Variants in IGF2R observed in about 807,000 individuals in gnomAD.
IGF2R encodes the protein cation-independent mannose-6-phosphate receptor.
IGF2R carries 91 observed loss-of-function variants against 270.6 expected under a neutral mutation model. The ratio of observed to expected loss-of-function variants is 0.34; its 90% CI spans 0.28 to 0.40. The LOEUF is 0.40. Among genes scored for constraint, IGF2R ranks in the 10% least tolerant of loss-of-function variants. The pLI is 1.00. For synonymous variants in IGF2R, 1,316 were observed against 1,258.9 expected, an observed-to-expected ratio of 1.05 and a Z score of -0.96; for missense variants, 2,805 against 3,188.3, an observed-to-expected ratio of 0.88 and a Z score of 2.90.
intron 19 of IGF2R, among the ~76,000 whole-genome samples, chr6:160,054,685 AG>A (rs1398979768): frequency 2.6e-5 from 4 of 152,114 alleles, no homozygotes; most frequent in Non-Finnish European, 5.9e-5. Flanking sequence ...CTTGGCTAAG[AG>A]TGGGGTGTGT....
intron 7 of IGF2R, 64 bp from the exon 8 acceptor site, chr6:160,032,487 G>A: frequency 6.8e-7 from 1 of 1,473,272 alleles, no homozygotes; most frequent in Non-Finnish European, 9.3e-7. Flanking sequence ...CATAAGTGTG[G>A]AAAATCTGCA....
Position 160,093,827 on chromosome 6 carries a change from A to T in IGF2R, c.6656-2612A>T, listed in dbSNP as rs569008646. On this transcript the variant is annotated intron_variant, in intron 44 of 47. Transcript: ENST00000356956. ...TGATGAGCTGTTAAGGGTGCTGTGC[A>T]TGATGGTCCAAATAAATATCTCAGA... The T allele has an allele frequency of 8.2e-6, 6 of 731,888 alleles. No individual in the cohort carries two copies. The East Asian group carries it at 1.6e-4, about 19-fold the overall frequency. 45.3% of individuals were successfully genotyped at this position (731,888 alleles called of 1,614,324 possible). A position where few individuals can be genotyped will look rare whatever the true frequency, so the allele number is the denominator to read the frequency against.
At chr6:160,011,551 GTTTT>G (rs546686832) in intron 4 of IGF2R, among the ~76,000 whole-genome samples, 4 of 119,676 alleles carry the variant, frequency 3.3e-5, no homozygotes, top group Non-Finnish European at 3.4e-5. Context: ...CACATATTTC[GTTTT>G]TTTTTTTTTT....
At position 160,059,430 on chromosome 6, in the gene IGF2R, C is replaced by G. The variant is rs9457817; in HGVS notation, c.3091+332C>G. Among the ~76,000 whole-genome samples the G allele has an allele frequency of 2.4e-3, 359 of 152,324 alleles. 1 individual carries two copies. The highest frequency in any genetic ancestry group is 8.6e-3 in the African/African-American group (356 of 41,586). On this transcript the variant is annotated intron_variant, in intron 22 of 47. Transcript: ENST00000356956. ...TTTTATTGTTGATCTCTTGCTGTGC[C>G]TAGCTTACAAATTGAGCTTCATCCT... is the stretch of plus-strand genomic sequence containing the variant.
intron 31 of IGF2R, among the ~76,000 whole-genome samples, 193 bp downstream of exon 31, chr6:160,070,251 C>G (rs1778688064): frequency 6.6e-6 from 1 of 152,222 alleles, no homozygotes. Flanking sequence ...CTGTCTGGCT[C>G]CTTAGAAGCT....
At chr6:160,058,238 C>T (rs1583284020) in intron 21 of IGF2R, 114 bp downstream of exon 21, 2 of 699,070 alleles carry the variant, frequency 2.9e-6, no homozygotes, top group East Asian at 5.2e-5. Context: ...GTGGTGGCAG[C>T]TCTTACTCAG....
chr6:160,070,162 T>A, intron 31 of IGF2R, 104 bp downstream of exon 31: 2 of 1,134,676 alleles, frequency 1.8e-6, no homozygotes, highest in Non-Finnish European at 2.6e-6. Context: ...ATGCGAGTTC[T>A]AGAGCCTGGG....
intron 2 of IGF2R, among the ~76,000 whole-genome samples, chr6:159,996,773 C>G (rs900628663): frequency 1.3e-5 from 2 of 152,236 alleles, no homozygotes; most frequent in Admixed American, 6.5e-5. Flanking sequence ...CCTCCTCCCT[C>G]AACCCAAAGC....
At chr6:159,988,592 T>G (rs745375547) in intron 1 of IGF2R, among the ~76,000 whole-genome samples, 4 of 136,510 alleles carry the variant, frequency 2.9e-5, no homozygotes, top group Non-Finnish European at 6.5e-5. Flanking sequence ...TTCCTACCAG[T>G]TAACTCATTT....
In IGF2R at chr6:160,047,232, T is replaced by A; in HGVS notation, c.2125T>A (p.Tyr709Asn). ...TTATGATGGGATGATCCAACTGAAC[T>A]ACAGAGGCGGCACACCCTATAACAA... ...SYYDGMIQLN[Y>N]RGGTPYNNER... Residue 709 changes from tyrosine to asparagine, a missense_variant, in exon 16 of 48, where the codon TAC (tyrosine) becomes AAC (asparagine). Physicochemically the swap from Tyr to Asn is moderately radical, Grantham distance 143. This residue lies in a region of IGF2R where 954 missense variants were observed against 981.1 expected (regional missense o/e 0.97). Transcript: ENST00000356956. The A allele has an allele frequency of 6.2e-7, 1 of 1,614,060 alleles. No homozygotes were observed. The highest frequency in any genetic ancestry group is 8.5e-7 in the Non-Finnish European group (1 of 1,179,962).
At position 160,061,843 on chromosome 6, in the gene IGF2R, C is replaced by A. The variant is rs748569814; in HGVS notation, c.3497C>A (p.Ser1166Tyr). 8 of 1,614,056 alleles carry A rather than the reference C, an allele frequency of 5.0e-6. No homozygotes were observed. In the Admixed American group the frequency reaches 1.3e-4, roughly 27 times the overall value. The change falls in exon 25 of 48, where the codon TCT (serine) becomes TAT (tyrosine). Residue 1166 changes from serine (S) to tyrosine (Y), a missense_variant. Ser to Tyr is a moderately radical substitution (Grantham distance 144). Transcript: ENST00000356956. ...AGTCCCCAAGCCGCGGCGAATGGAT[C>A]TTTGAGCATCATGTATGTCAACGGT... ...QMSPQAAANG[S>Y]LSIMYVNGDK... is the part of the protein sequence containing the mutation.
intron 1 of IGF2R, among the ~76,000 whole-genome samples, chr6:159,989,466 T>A (rs3822845): frequency 0.21 from 31,625 of 152,080 alleles, 3,944 homozygotes; most frequent in East Asian, 0.58. Context: ...TATGTAGATA[T>A]ATATGGTGGT....
In IGF2R at chr6:160,089,102, C is replaced by G. The variant is rs367981407; in HGVS notation, c.6321-5C>G. On this transcript the variant is annotated splice_region_variant and splice_polypyrimidine_tract_variant and intron_variant, in intron 42 of 47. Coordinates refer to ENST00000356956, the MANE Select transcript of IGF2R (RefSeq NM_000876.4). The stretch of plus-strand genomic sequence containing the variant: ...TGACTGTAGCCTGTGCTTCCCTCCT[C>G]CTAGGTTTGATATCGACAGCTGCAC... 1.9e-5 allele frequency: 31 copies of G among 1,611,654 alleles called. No homozygotes were observed. The African/African-American group carries it at 4.0e-4, about 21-fold the overall frequency.
In IGF2R at chr6:160,050,682, C is replaced by T. The variant is rs184239415; in HGVS notation, c.2694+30C>T. On this transcript the variant is annotated intron_variant, in intron 19 of 47. Transcript: ENST00000356956. The surrounding 1 kb of genome is among the most constrained non-coding windows in gnomAD (Gnocchi z 4.0). ...GGCACTGCTGCTGGCTGGTGACCTT[C>T]ACTGCTGCATTTTTTGACTGAGCGT... 1 of 1,570,104 alleles carries T rather than the reference C, an allele frequency of 6.4e-7. No individual in the cohort carries two copies. Among genetic ancestry groups the T allele is most frequent in the East Asian group, 2.3e-5 (1 of 43,794 alleles).
intron 1 of IGF2R, among the ~76,000 whole-genome samples, chr6:159,980,231 G>GAAAGAAAAGAAAAGAAAGAAAAGAAAGA (rs1783774125): frequency 8.7e-6 from 1 of 114,422 alleles, no homozygotes; most frequent in Non-Finnish European, 2.0e-5. Context: ...AAGAAAGAAA[G>GAAAGAAAAGAAAAGAAAGAAAAGAAAGA]AAAGAAAGGT....
rs781133341 is a variant in IGF2R at position 160,027,259 on chromosome 6, C to A, written c.721C>A (p.Gln241Lys). 6.2e-7 allele frequency: 1 copy of A among 1,614,156 alleles called. No individual in the cohort carries two copies. Among genetic ancestry groups the A allele is most frequent in the East Asian group, 2.2e-5 (1 of 44,874 alleles). The change falls in exon 6 of 48, where the codon CAG (glutamine) becomes AAG (lysine). Residue 241 changes from glutamine to lysine, a missense_variant. Physicochemically the swap from Gln to Lys is moderately conservative, Grantham distance 53. Around this residue, in one of 2 missense-constraint regions of IGF2R, gnomAD observed 954 missense variants for 981.1 expected, o/e 0.97. Coordinates refer to ENST00000356956, the MANE Select transcript of IGF2R (RefSeq NM_000876.4). ...TGCCGCCTGCCTGGTAAGAGGACAC[C>A]AGGCGTTTGATGTTGGCCAGCCCCG... ...GTAACLVRGH[Q>K]AFDVGQPRDG...
chr6:159,969,937 A>AG (rs1203092058), intron 1 of IGF2R, among the ~76,000 whole-genome samples: 5 of 150,214 alleles, frequency 3.3e-5, no homozygotes, highest in Admixed American at 6.6e-5. Flanking sequence ...TTCTCTTTAA[A>AG]GAATATATAT....
At chr6:160,101,178 A>T (rs1779477798) in intron 45 of IGF2R, among the ~76,000 whole-genome samples, 1 of 152,202 alleles carries the variant, frequency 6.6e-6, no homozygotes, top group Non-Finnish European at 1.5e-5. Context: ...TGAAAAATAG[A>T]AATACGTTTG....
rs760567248 is a variant in IGF2R, at chr6:160,029,703, G to T, written c.882+48G>T. On this transcript the variant is annotated intron_variant, in intron 7 of 47. Coordinates refer to ENST00000356956, the MANE Select transcript of IGF2R (RefSeq NM_000876.4). The stretch of plus-strand genomic sequence containing the variant: ...ACTAATGTGGCGCACAGTAGCCTGG[G>T]TTGCCCATGCGAACGCGTTTCTGGG... 3 of 1,405,600 alleles carry T rather than the reference G, an allele frequency of 2.1e-6. No homozygotes were observed. The South Asian group carries it at 3.5e-5, about 16-fold the overall frequency. The allele number at this position is 1,405,600 out of a possible 1,614,324, so 87.1% of individuals were successfully genotyped here. A position where few individuals can be genotyped will look rare whatever the true frequency, so the allele number is the denominator to read the frequency against.
Sources: gnomAD v4.1 joint callset for allele counts (sites outside exome capture counted in the v4.1 genomes callset) on GRCh38, gnomAD v4.1.1 for gene constraint, gnomAD v4.1.1 regional missense constraint, Gnocchi (gnomAD v3.1) non-coding constraint, MANE v1.5 for transcripts, NCBI Gene and HGNC (gene_info 2026-07-23, HGNC 2026-07-21) for gene names.